The following TANC2 variants were observed in gnomAD, a reference collection of about 807,000 sequenced individuals.
TANC2 encodes the protein protein TANC2.
A neutral mutation model predicts 210.5 loss-of-function variants in TANC2; 26 were observed. The observed-to-expected ratio is 0.12, with a 90% CI of 0.09 to 0.17. The LOEUF (loss-of-function observed/expected upper bound fraction) is 0.17. Among genes scored for constraint, TANC2 ranks in the 10% least tolerant of loss-of-function variants. The pLI, the probability that TANC2 is intolerant of heterozygous loss-of-function variation, is 1.00. For missense variants in TANC2, 2,129 were observed against 2,608.9 expected, an observed-to-expected ratio of 0.82 and a Z score of 4.01; for synonymous variants, 931 against 967.1, an observed-to-expected ratio of 0.96 and a Z score of 0.69.
At chr17:63,254,263 G>A (rs1337716362) in intron 8 of TANC2, among the ~76,000 whole-genome samples, 1 of 151,676 alleles carries the variant, frequency 6.6e-6, no homozygotes, top group East Asian at 1.9e-4. Context: ...TTACTTTCTT[G>A]ATTTCTTTTT....
At chr17:63,028,677 G>A (rs192877815) in intron 2 of TANC2, among the ~76,000 whole-genome samples, 5 of 152,208 alleles carry the variant, frequency 3.3e-5, no homozygotes, top group Admixed American at 2.0e-4. Flanking sequence ...GAAAGTCAGA[G>A]TGCCCTTCTT....
chr17:63,389,229 T>C, intron 16 of TANC2, 79 bp from the exon 17 acceptor site: 1 of 1,072,764 alleles, frequency 9.3e-7, no homozygotes, highest in Non-Finnish European at 1.4e-6. Flanking sequence ...TTGTAGAATG[T>C]TAGATGGTTT....
intron 7 of TANC2, among the ~76,000 whole-genome samples, chr17:63,227,046 A>G (rs1467697170): frequency 6.6e-6 from 1 of 152,160 alleles, no homozygotes; most frequent in Non-Finnish European, 1.5e-5. Context: ...TATTGTGAAT[A>G]GTGCTGCAAT....
chr17:63,244,204 A>G (rs1462657582), intron 8 of TANC2, among the ~76,000 whole-genome samples: 1 of 152,158 alleles, frequency 6.6e-6, no homozygotes, highest in Non-Finnish European at 1.5e-5. Flanking sequence ...CAGAAAGTCA[A>G]CAAGCAAAAT....
chr17:63,006,764 A>G (rs575815296), intron 1 of TANC2, among the ~76,000 whole-genome samples: 1 of 152,194 alleles, frequency 6.6e-6, no homozygotes, highest in South Asian at 2.1e-4. Context: ...TTAATTGTGT[A>G]GTTCAAACAT....
At chr17:63,175,790 T>C (rs2040559338) in intron 5 of TANC2, among the ~76,000 whole-genome samples, 7 of 152,246 alleles carry the variant, frequency 4.6e-5, no homozygotes, top group Admixed American at 3.9e-4. Context: ...TGATCCAAAA[T>C]AAATAAACCC....
chr17:62,980,439 T>C (rs898383445), intron 1 of TANC2, among the ~76,000 whole-genome samples: 6 of 152,166 alleles, frequency 3.9e-5, no homozygotes, highest in Non-Finnish European at 7.4e-5. Flanking sequence ...GAAATGTTCA[T>C]TGGAAGATTT....
At chr17:63,283,207 G>A (rs2044112852) in intron 9 of TANC2, among the ~76,000 whole-genome samples, 1 of 151,706 alleles carries the variant, frequency 6.6e-6, no homozygotes, top group Admixed American at 6.6e-5. Context: ...AGTTGTTCCC[G>A]CACCATTTGT....
chr17:63,221,735 A>G (rs367544242), intron 7 of TANC2, among the ~76,000 whole-genome samples: 1 of 152,234 alleles, frequency 6.6e-6, no homozygotes, highest in East Asian at 1.9e-4. Flanking sequence ...TACAATGTCT[A>G]AAACTCAATA....
intron 21 of TANC2, 32 bp downstream of exon 21, chr17:63,406,309 A>G (rs756647289): frequency 1.2e-6 from 2 of 1,607,212 alleles, no homozygotes; most frequent in Non-Finnish European, 1.7e-6. Context: ...CTGGCTGGCC[A>G]GTTTCCATAA....
intron 15 of TANC2, among the ~76,000 whole-genome samples, chr17:63,386,968 T>G (rs2147132696): frequency 6.6e-6 from 1 of 152,052 alleles, no homozygotes; most frequent in Non-Finnish European, 1.5e-5. Context: ...TCCTCCCACC[T>G]CAGCCTCCCA....
intron 11 of TANC2, among the ~76,000 whole-genome samples, chr17:63,328,396 GTGTGTGTGTGTATTCAT>G (rs1320417289): frequency 2.6e-5 from 4 of 151,428 alleles, no homozygotes; most frequent in Non-Finnish European, 5.9e-5. Context: ...GTGTGTGTGT[GTGTGTGTGTGTATTCAT>G]TGTGTGTGTG....
At chr17:62,985,238 ATCTAC>A (rs1337835811) in intron 1 of TANC2, among the ~76,000 whole-genome samples, 10 of 152,260 alleles carry the variant, frequency 6.6e-5, no homozygotes, top group Non-Finnish European at 1.5e-4. Flanking sequence ...CTTCTGAGAA[ATCTAC>A]TCTACTAAGA....
chr17:63,186,532 T>G (rs1027151410), intron 5 of TANC2, among the ~76,000 whole-genome samples: 29 of 151,994 alleles, frequency 1.9e-4, no homozygotes, highest in African/African-American at 7.0e-4. Context: ...TTTTGTATTT[T>G]TAGTAGAGTC....
chr17:63,347,609 G>T lies in TANC2; in HGVS notation c.1808-3641G>T, dbSNP rs201277432. Among the ~76,000 whole-genome samples the T allele has an allele frequency of 2.6e-5, 4 of 152,220 alleles. No homozygotes were observed. In the East Asian group the frequency reaches 7.7e-4, roughly 29 times the overall value. ...AAATTATGTATTTTCTTTGAAAAAT[G>T]AGTCAGTATTTTTCACAGTACTTTA... On this transcript the variant is annotated intron_variant, in intron 12 of 27. Transcript: ENST00000689528.
At chr17:63,317,525 C>T (rs1235899923) in intron 10 of TANC2, among the ~76,000 whole-genome samples, 1 of 152,152 alleles carries the variant, frequency 6.6e-6, no homozygotes, top group African/African-American at 2.4e-5. Flanking sequence ...AGGATTATTA[C>T]ATTAACTACA....
At chr17:62,981,239 T>C (rs181544808) in intron 1 of TANC2, among the ~76,000 whole-genome samples, 7 of 152,314 alleles carry the variant, frequency 4.6e-5, no homozygotes, top group African/African-American at 9.6e-5. Flanking sequence ...TGACCTTGCT[T>C]TCTGTTTCAT....
At chr17:63,297,392 A>G (rs2044569206) in intron 9 of TANC2, among the ~76,000 whole-genome samples, 1 of 151,714 alleles carries the variant, frequency 6.6e-6, no homozygotes. Flanking sequence ...AATACAGTTG[A>G]AAGTCCAGAA....
rs1357996991 is a variant in TANC2 at position 63,307,767 on chromosome 17, GTTGTT to G, written c.1160-6615_1160-6611del. Among the ~76,000 whole-genome samples, 9 of 111,784 alleles carry G rather than the reference GTTGTT, an allele frequency of 8.1e-5. No individual in the cohort carries two copies. In the South Asian group the frequency reaches 1.3e-3, roughly 16 times the overall value. The allele number at this position is 111,784 out of a possible 152,430, so 73.3% of individuals were successfully genotyped here. ...AGAGTTTGTTGTTGCTGTTGTTGTT[GTTGTT>G]TTGTTGTTTTTGAGACAGAGTCTCG... On this transcript the variant is annotated intron_variant, in intron 9 of 27. Coordinates refer to ENST00000689528, the Ensembl canonical transcript of TANC2.
Sources: gnomAD v4.1 joint callset for allele counts (sites outside exome capture counted in the v4.1 genomes callset) on GRCh38, gnomAD v4.1.1 for gene constraint, MANE v1.5 for transcripts, NCBI Gene and HGNC (gene_info 2026-07-23, HGNC 2026-07-21) for gene names.